CD38: variants seen among roughly 807,000 people sequenced by gnomAD.
CD38 encodes the protein CD38 molecule, also known as ADP-ribosyl cyclase/cyclic ADP-ribose hydrolase 1.
A neutral mutation model predicts 36.3 loss-of-function variants in CD38; 31 were observed. That is an observed-to-expected ratio of 0.85 (90% CI 0.64 to 1.15). CD38 has a LOEUF of 1.15. Ranked by LOEUF, CD38 falls within the 50% of genes most tolerant of loss-of-function variation. The pLI is 0.00. For synonymous variants in CD38, 131 were observed against 135.2 expected, an observed-to-expected ratio of 0.97 and a Z score of 0.22; for missense variants, 380 against 371.9, an observed-to-expected ratio of 1.02 and a Z score of -0.18.
intron 3 of CD38, among the ~76,000 whole-genome samples, chr4:15,832,479 G>C (rs1365662455): frequency 6.6e-6 from 1 of 152,198 alleles, no homozygotes; most frequent in Non-Finnish European, 1.5e-5. Flanking sequence ...TGCAAGCCTA[G>C]TAATGCTGTG....
At chr4:15,795,598 C>T (rs1311160717) in intron 1 of CD38, among the ~76,000 whole-genome samples, 2 of 151,490 alleles carry the variant, frequency 1.3e-5, no homozygotes, top group Non-Finnish European at 2.9e-5. Context: ...GCGGAGAAAC[C>T]CACGATTTAA....
intron 1 of CD38, among the ~76,000 whole-genome samples, chr4:15,787,767 G>T (rs73131147): frequency 6.6e-6 from 1 of 152,252 alleles, no homozygotes; most frequent in African/African-American, 2.4e-5. Context: ...AGCGGCTAGG[G>T]GACTGCCGAA....
At chr4:15,794,427 T>G (rs1723066585) in intron 1 of CD38, among the ~76,000 whole-genome samples, 1 of 152,174 alleles carries the variant, frequency 6.6e-6, no homozygotes, top group Non-Finnish European at 1.5e-5. Context: ...GAGAGAGGTC[T>G]GGGCTGGAGA....
intron 1 of CD38, among the ~76,000 whole-genome samples, chr4:15,802,154 A>AAACT (rs1723239159): frequency 6.6e-6 from 1 of 152,146 alleles, no homozygotes; most frequent in African/African-American, 2.4e-5. Flanking sequence ...CACCAATAAT[A>AAACT]AACTATCTGT....
rs1724420364 is a variant in CD38 at position 15,852,835 on chromosome 4, G to A, written c.*4233G>A. 7.5e-6 allele frequency: 1 copy of A among 133,524 alleles called. No homozygotes were observed. Among genetic ancestry groups the A allele is most frequent in the Admixed American group, 7.7e-5 (1 of 12,960 alleles). The allele number at this position is 133,524 out of a possible 1,614,324, so 8.3% of individuals were successfully genotyped here. A position where few individuals can be genotyped will look rare whatever the true frequency, so the allele number is the denominator to read the frequency against. On this transcript the variant is annotated 3_prime_UTR_variant, in exon 8 of 8. Transcript: ENST00000226279. Reference sequence around the variant, plus strand: ...TTTTTTTTTTTTTTTTTTGGGAGACGGAGTCTCGCTGTCGCCCAGGCTAGA... The same window carrying A: ...TTTTTTTTTTTTTTTTTTGGGAGACAGAGTCTCGCTGTCGCCCAGGCTAGA...
intron 2 of CD38, among the ~76,000 whole-genome samples, chr4:15,818,533 C>T (rs1723656810): frequency 6.6e-6 from 1 of 152,194 alleles, no homozygotes; most frequent in South Asian, 2.1e-4. Context: ...CAAGTGAGTC[C>T]CTGACCCCTG....
At chr4:15,781,720 G>A (rs1722701239) in intron 1 of CD38, among the ~76,000 whole-genome samples, 1 of 152,224 alleles carries the variant, frequency 6.6e-6, no homozygotes, top group Non-Finnish European at 1.5e-5. Context: ...AACTAGATGT[G>A]TTTGACCAAA....
At chr4:15,812,666 C>T (rs1459516166) in intron 1 of CD38, among the ~76,000 whole-genome samples, 1 of 152,186 alleles carries the variant, frequency 6.6e-6, no homozygotes, top group Non-Finnish European at 1.5e-5. Flanking sequence ...CACCATTGCA[C>T]TCTAGCCTGG....
At chr4:15,835,363 C>CTTTT (rs35143834) in intron 4 of CD38, among the ~76,000 whole-genome samples, 13 of 57,712 alleles carry the variant, frequency 2.3e-4, no homozygotes, top group Middle Eastern at 0.019. Flanking sequence ...GACAGGAATA[C>CTTTT]TTTTTTTTTT....
At position 15,792,436 on chromosome 4, in the gene CD38, AT is replaced by A. The variant is rs1269597678; in HGVS notation, c.233+13790del. ...GAATGATCAATAAAAATAAAATAAA[AT>A]AAAAAAAAGGAATGAATCAAGAAAA... On this transcript the variant is annotated intron_variant, in intron 1 of 7. Coordinates refer to ENST00000226279, the MANE Select transcript of CD38 (RefSeq NM_001775.4). Among the ~76,000 whole-genome samples the A allele has an allele frequency of 1.7e-3, 255 of 145,800 alleles. 6 individuals carry two copies. Among genetic ancestry groups the A allele is most frequent in the African/African-American group, 4.0e-3 (154 of 38,686 alleles).
chr4:15,818,084 A>G (rs58716318), intron 2 of CD38, among the ~76,000 whole-genome samples: 10,787 of 150,344 alleles, frequency 0.072, 592 homozygotes, highest in East Asian at 0.18. Context: ...CACGGAGACC[A>G]GCAAGCTAAG....
At chr4:15,796,059 A>G (rs1055793433) in intron 1 of CD38, among the ~76,000 whole-genome samples, 1 of 152,154 alleles carries the variant, frequency 6.6e-6, no homozygotes, top group African/African-American at 2.4e-5. Flanking sequence ...GAGATAGTTT[A>G]TGAGTTAAAT....
intron 1 of CD38, among the ~76,000 whole-genome samples, chr4:15,807,668 A>T (rs1451006351): frequency 6.6e-6 from 1 of 152,186 alleles, no homozygotes; most frequent in Non-Finnish European, 1.5e-5. Context: ...ACTCAATTTG[A>T]GGAGAGGAGT....
chr4:15,787,212 C>CG (rs1385448462), intron 1 of CD38, among the ~76,000 whole-genome samples: 2 of 152,226 alleles, frequency 1.3e-5, no homozygotes, highest in African/African-American at 2.4e-5. Flanking sequence ...GCGCAGAGGC[C>CG]GGGGGGCACT....
At chr4:15,827,828 T>A (rs1723882133) in intron 3 of CD38, among the ~76,000 whole-genome samples, 1 of 152,192 alleles carries the variant, frequency 6.6e-6, no homozygotes, top group Admixed American at 6.5e-5. Context: ...TCTAATACTT[T>A]GGCCTCAATT....
chr4:15,829,291 T>G (rs1723914314), intron 3 of CD38, among the ~76,000 whole-genome samples: 1 of 152,196 alleles, frequency 6.6e-6, no homozygotes, highest in African/African-American at 2.4e-5. Flanking sequence ...TGTTTTGATA[T>G]AGATATACAG....
At chr4:15,824,347 A>G (rs1270403473) in intron 2 of CD38, among the ~76,000 whole-genome samples, 1 of 152,156 alleles carries the variant, frequency 6.6e-6, no homozygotes. Flanking sequence ...AAAATAATAG[A>G]TTCATAAAAC....
rs1333987933 is a variant in CD38 at position 15,840,038 on chromosome 4, T to A, written c.672T>A (p.Ser224Arg). The change falls in exon 6 of 8, where the codon AGT becomes AGA. Residue 224 changes from serine to arginine, a missense_variant. Ser to Arg is a moderately radical substitution (Grantham distance 110, BLOSUM62 -1). Coordinates refer to ENST00000226279, the MANE Select transcript of CD38 (RefSeq NM_001775.4). The stretch of plus-strand genomic sequence containing the variant: ...TCTTCTATTTTAGCACTTTTGGGAG[T>A]GTGGAAGTCCATAATTTGCAACCAG... ...KIFDKNSTFGSVEVHNLQPEK... is the reference protein window; with the variant it reads ...KIFDKNSTFGRVEVHNLQPEK... The A allele has an allele frequency of 3.7e-6, 6 of 1,612,440 alleles. 1 individual carries two copies. The highest frequency in any genetic ancestry group is 1.7e-4 in the Middle Eastern group (1 of 6,058).
chr4:15,838,759 A>C (rs548379301), intron 5 of CD38, among the ~76,000 whole-genome samples: 2 of 152,336 alleles, frequency 1.3e-5, no homozygotes, highest in Admixed American at 1.3e-4. Flanking sequence ...GACCTCAGGC[A>C]GGGCAGTCAA....
Sources: gnomAD v4.1 joint callset for allele counts (sites outside exome capture counted in the v4.1 genomes callset) on GRCh38, gnomAD v4.1.1 for gene constraint, MANE v1.5 for transcripts, NCBI Gene and HGNC (gene_info 2026-07-23, HGNC 2026-07-21) for gene names.